PPP1R13B: variants seen among roughly 807,000 people sequenced by gnomAD.
PPP1R13B encodes apoptosis-stimulating of p53 protein 1.
In PPP1R13B, 44 loss-of-function variants were observed where a neutral mutation model predicts 119.8. The observed-to-expected ratio is 0.37, with a 90% CI of 0.29 to 0.47. PPP1R13B has a LOEUF of 0.47. Ranked by LOEUF, PPP1R13B falls within the 20% of genes least tolerant of loss-of-function variation. PPP1R13B has a pLI of 0.99. For missense variants in PPP1R13B, 1,227 were observed against 1,413.5 expected (o/e 0.87, Z 2.12); for synonymous variants, 542 against 561.5 (o/e 0.97, Z 0.49).
chr14:103,777,056 G>A (rs969023939), intron 4 of PPP1R13B, among the ~76,000 whole-genome samples: 13 of 151,510 alleles, frequency 8.6e-5, no homozygotes, highest in South Asian at 2.1e-4. Flanking sequence ...GCAGTGGCAC[G>A]ATCTCGGCTC....
intron 1 of PPP1R13B, among the ~76,000 whole-genome samples, chr14:103,835,082 AAACTT>A (rs1314751401): frequency 1.3e-5 from 2 of 152,164 alleles, no homozygotes. Flanking sequence ...TTGCTGGAGA[AAACTT>A]AAAGTACTCA....
chr14:103,848,017 C>T (rs1048713532), upstream of PPP1R13B, among the ~76,000 whole-genome samples: 1 of 151,680 alleles, frequency 6.6e-6, no homozygotes, highest in African/African-American at 2.4e-5. Flanking sequence ...CCCCCGGCTG[C>T]CGGCGCGCCG....
At chr14:103,737,908 G>A in intron 14 of PPP1R13B, 48 bp from the exon 15 acceptor site, 2 of 1,564,496 alleles carry the variant, frequency 1.3e-6, no homozygotes, top group Non-Finnish European at 1.7e-6. Flanking sequence ...TGCCTGTCCT[G>A]TAGGACGTGG....
At chr14:103,780,721 G>C (rs2085317200) in intron 3 of PPP1R13B, among the ~76,000 whole-genome samples, 1 of 151,550 alleles carries the variant, frequency 6.6e-6, no homozygotes, top group African/African-American at 2.4e-5. Context: ...GGCTGAGACA[G>C]GGGAATTGCT....
chr14:103,832,171 G>A (rs958433107), intron 1 of PPP1R13B, among the ~76,000 whole-genome samples: 4 of 151,312 alleles, frequency 2.6e-5, no homozygotes, highest in Non-Finnish European at 5.9e-5. Context: ...TCCAGTTGCT[G>A]TCTACATCAT....
intron 1 of PPP1R13B, among the ~76,000 whole-genome samples, chr14:103,828,128 AG>A (rs1338057947): frequency 6.6e-6 from 1 of 152,120 alleles, no homozygotes; most frequent in Non-Finnish European, 1.5e-5. Flanking sequence ...GCACTGTAGG[AG>A]GCCGAGGTGG....
At chr14:103,749,710 G>A in intron 8 of PPP1R13B, 84 bp downstream of exon 8, 18 of 1,338,512 alleles carry the variant, frequency 1.3e-5, no homozygotes, top group Non-Finnish European at 1.9e-5. Context: ...GTGGATGGGG[G>A]AGCATACTGC....
chr14:103,793,612 CATATCATGTAATATAAA>C (rs1244715893), intron 2 of PPP1R13B, among the ~76,000 whole-genome samples: 4 of 152,016 alleles, frequency 2.6e-5, no homozygotes, highest in Admixed American at 6.5e-5. Context: ...CTACCCTATA[CATATCATGTAATATAAA>C]ATATACCTAA....
rs1441649195 is a variant in PPP1R13B at position 103,847,567 on chromosome 14, C to A, written c.-260G>T. On this transcript the variant is annotated 5_prime_UTR_variant, in exon 1 of 17. Transcript: ENST00000202556. ...CTCAGCCTCAGCCTCAGCCCCAGCC[C>A]GACAGCCTGCGGCCCGCCCGCCCGG... 3.0e-6 allele frequency: 3 copies of A among 984,876 alleles called. No homozygotes were observed. Among genetic ancestry groups the A allele is most frequent in the Middle Eastern group, 5.2e-4 (1 of 1,906 alleles). 61.0% of individuals were successfully genotyped at this position (984,876 alleles called of 1,614,324 possible).
intron 2 of PPP1R13B, among the ~76,000 whole-genome samples, chr14:103,788,642 G>A (rs1246194275): frequency 2.7e-5 from 4 of 150,722 alleles, no homozygotes; most frequent in South Asian, 2.1e-4. Flanking sequence ...CTGCCATTGC[G>A]CTCAAGCCTG....
chr14:103,744,493 T>G (rs1001071970), intron 9 of PPP1R13B, among the ~76,000 whole-genome samples: 3 of 152,176 alleles, frequency 2.0e-5, no homozygotes, highest in Non-Finnish European at 2.9e-5. Context: ...TTGTGTGGCA[T>G]CTTTTTCAAA....
At chr14:103,797,900 A>G (rs995729503) in intron 1 of PPP1R13B, among the ~76,000 whole-genome samples, 1 of 152,106 alleles carries the variant, frequency 6.6e-6, no homozygotes, top group Non-Finnish European at 1.5e-5. Flanking sequence ...ACGACTATAC[A>G]ATGAGTGATG....
At chr14:103,768,277 A>G (rs536061874) in intron 4 of PPP1R13B, among the ~76,000 whole-genome samples, 1 of 150,056 alleles carries the variant, frequency 6.7e-6, no homozygotes, top group Admixed American at 6.6e-5. Flanking sequence ...CACCACGCCC[A>G]GCTAATTTTT....
At chr14:103,813,214 TCA>T (rs2086200931) in intron 1 of PPP1R13B, among the ~76,000 whole-genome samples, 1 of 151,414 alleles carries the variant, frequency 6.6e-6, no homozygotes, top group Non-Finnish European at 1.5e-5. Flanking sequence ...GGAATATTAT[TCA>T]GTTATTCAGC....
chr14:103,754,021 G>T (rs1267956436), intron 6 of PPP1R13B, 49 bp downstream of exon 6: 1 of 1,580,762 alleles, frequency 6.3e-7, no homozygotes, highest in Non-Finnish European at 8.6e-7. Flanking sequence ...TGTTTCACTG[G>T]ATCTGGGCCT....
At position 103,836,567 on chromosome 14, in the gene PPP1R13B, G is replaced by A. The variant is rs1050280153; in HGVS notation, c.9+10732C>T. 5.9e-5 allele frequency among the ~76,000 whole-genome samples: 9 copies of A among 151,866 alleles called. No homozygotes were observed. In the South Asian group the frequency reaches 1.7e-3, roughly 28 times the overall value. On this transcript the variant is annotated intron_variant, in intron 1 of 16. Transcript: ENST00000202556. ...AGGCGGATCATGAGGTCAGGAGTTT[G>A]AGACCAGCCTAGCCAACATGGCGAA...
chr14:103,822,292 G>A (rs369816495), intron 1 of PPP1R13B, among the ~76,000 whole-genome samples: 21 of 152,072 alleles, frequency 1.4e-4, no homozygotes, highest in African/African-American at 3.9e-4. Flanking sequence ...CCACCACCAC[G>A]CTAGGCTAAT....
intron 1 of PPP1R13B, among the ~76,000 whole-genome samples, chr14:103,842,820 T>C (rs1195086367): frequency 6.6e-6 from 1 of 151,446 alleles, no homozygotes; most frequent in Non-Finnish European, 1.5e-5. Flanking sequence ...CTACTAAACA[T>C]GCTAAAATTA....
At chr14:103,766,743 C>T (rs1415361756) in intron 4 of PPP1R13B, among the ~76,000 whole-genome samples, 1 of 152,006 alleles carries the variant, frequency 6.6e-6, no homozygotes, top group Non-Finnish European at 1.5e-5. Context: ...AAGTAGCTGG[C>T]ACTACAAGTG....
Sources: gnomAD v4.1 joint callset for allele counts (sites outside exome capture counted in the v4.1 genomes callset) on GRCh38, gnomAD v4.1.1 for gene constraint, MANE v1.5 for transcripts, NCBI Gene and HGNC (gene_info 2026-07-23, HGNC 2026-07-21) for gene names.